CLASP2: variants seen among roughly 807,000 people sequenced by gnomAD.
The protein encoded by CLASP2 is CLIP-associating protein 2.
CLASP2 carries 47 observed loss-of-function variants against 194.4 expected under a neutral mutation model. The ratio of observed to expected loss-of-function variants is 0.24; its 90% CI spans 0.19 to 0.31. The LOEUF (loss-of-function observed/expected upper bound fraction) is 0.31, where lower values mean the gene tolerates loss of function less well. Among genes scored for constraint, CLASP2 ranks in the 10% least tolerant of loss-of-function variants. CLASP2 has a pLI of 1.00. For missense variants in CLASP2, 1,445 were observed against 1,823.6 expected (o/e 0.79, Z 3.78); for synonymous variants, 619 against 633.5 (o/e 0.98, Z 0.34).
At chr3:33,594,830 A>G in intron 20 of CLASP2, 121 bp downstream of exon 20, 1 of 494,902 alleles carries the variant, frequency 2.0e-6, no homozygotes, top group East Asian at 3.5e-5. Context: ...ACTTACTACA[A>G]CTGGCAAATT....
intron 38 of CLASP2, among the ~76,000 whole-genome samples, chr3:33,499,619 G>C (rs1186443368): frequency 6.6e-6 from 1 of 151,612 alleles, no homozygotes; most frequent in Non-Finnish European, 1.5e-5. Context: ...AAAGTGCTGG[G>C]ATTACAGTTG....
intron 21 of CLASP2, among the ~76,000 whole-genome samples, chr3:33,586,425 G>A (rs906939755): frequency 6.6e-6 from 1 of 152,086 alleles, no homozygotes; most frequent in Non-Finnish European, 1.5e-5. Flanking sequence ...GAGCCACCAC[G>A]CCTGGCCTCT....
At chr3:33,624,614 A>T (rs1362695055) in intron 10 of CLASP2, among the ~76,000 whole-genome samples, 1 of 152,102 alleles carries the variant, frequency 6.6e-6, no homozygotes, top group African/African-American at 2.4e-5. Context: ...TTTACCTATG[A>T]TAAAGTTTAA....
At chr3:33,640,332 TA>T (rs1175965880) in intron 8 of CLASP2, among the ~76,000 whole-genome samples, 2 of 152,208 alleles carry the variant, frequency 1.3e-5, no homozygotes, top group African/African-American at 4.8e-5. Flanking sequence ...AGAAAATAGA[TA>T]TTTGGACATT....
intron 16 of CLASP2, among the ~76,000 whole-genome samples, chr3:33,604,728 G>A (rs537128294): frequency 1.3e-5 from 2 of 152,196 alleles, no homozygotes; most frequent in South Asian, 4.1e-4. Flanking sequence ...ATAAAATACT[G>A]GCAGTGAATA....
At chr3:33,628,394 C>T (rs547587458) in intron 9 of CLASP2, among the ~76,000 whole-genome samples, 97 of 152,236 alleles carry the variant, frequency 6.4e-4, no homozygotes, top group Non-Finnish European at 1.0e-3. Context: ...GTTCCCCTTC[C>T]CCCAATAAGG....
chr3:33,711,128 T>C (rs777038543), intron 1 of CLASP2, among the ~76,000 whole-genome samples: 2 of 151,932 alleles, frequency 1.3e-5, no homozygotes, highest in Non-Finnish European at 2.9e-5. Flanking sequence ...TAAGGGCCCA[T>C]ATAATGGTCA....
At position 33,603,024 on chromosome 3, in the gene CLASP2, C is replaced by T. The variant is rs1444305120; in HGVS notation, c.1852G>A (p.Ala618Thr). ...NAAAGAKAHH[A>T]AGQSVRSGRL... ...CCGCTTCGCACAGACTGTCCAGCAG[C>T]ATGATGTGCCTTGGCACCTGCAGCA... The change falls in exon 18 of 39, where the codon GCT (alanine) becomes ACT (threonine). Residue 618 changes from alanine to threonine, a missense_variant. Transcript: ENST00000682230. The T allele has an allele frequency of 1.2e-6, 2 of 1,608,290 alleles. No homozygotes were observed. Among genetic ancestry groups the T allele is most frequent in the Non-Finnish European group, 1.7e-6 (2 of 1,177,142 alleles).
chr3:33,631,565 A>G (rs1298901076), intron 9 of CLASP2, among the ~76,000 whole-genome samples: 1 of 151,948 alleles, frequency 6.6e-6, no homozygotes, highest in Non-Finnish European at 1.5e-5. Flanking sequence ...GGCATGGTGC[A>G]GGGCGCCTGT....
Position 33,517,121 on chromosome 3 carries a change from T to C in CLASP2, c.3841A>G (p.Asn1281Asp). 6.2e-7 allele frequency: 1 copy of C among 1,613,574 alleles called. No individual in the cohort carries two copies. The highest frequency in any genetic ancestry group is 1.3e-5 in the African/African-American group (1 of 75,036). The change falls in exon 35 of 39, where the codon AAC (asparagine) becomes GAC (aspartate). Residue 1281 changes from asparagine to aspartate, a missense_variant. Asn to Asp is a conservative substitution (Grantham distance 23). This residue lies in a region of CLASP2 where 732 missense variants were observed against 987.9 expected (regional missense o/e 0.74). Transcript: ENST00000682230. ...LVAELLKELS[N>D]HNERVEERKI... ...CTTTCTTCTACACGCTCATTATGGT[T>C]AGACAGCTCCTTCAACAACTCTGCA...
intron 22 of CLASP2, among the ~76,000 whole-genome samples, chr3:33,583,197 T>C (rs1401126597): frequency 6.6e-6 from 1 of 152,012 alleles, no homozygotes; most frequent in African/African-American, 2.4e-5. Context: ...CTGGAAAAAA[T>C]AAGGAACTGC....
Position 33,564,190 on chromosome 3 carries a change from C to T in CLASP2, c.2766+2542G>A, listed in dbSNP as rs573106752. Among the ~76,000 whole-genome samples, 5 of 152,254 alleles carry T rather than the reference C, an allele frequency of 3.3e-5. No homozygotes were observed. The East Asian group carries it at 9.6e-4, about 29-fold the overall frequency. ...GTCACCAATTAGAACTAGAACCAGG[C>T]TTAAGGTTATCAGAGGCTGAGAACC... On this transcript the variant is annotated intron_variant, in intron 27 of 38. Coordinates refer to ENST00000682230, the MANE Select transcript of CLASP2 (RefSeq NM_001365631.1).
rs1011630461 is a variant in CLASP2 at position 33,675,741 on chromosome 3, T to A, written c.644+8618A>T. Among the ~76,000 whole-genome samples, 8 of 143,292 alleles carry A rather than the reference T, an allele frequency of 5.6e-5. 1 individual carries two copies. Among genetic ancestry groups the A allele is most frequent in the Non-Finnish European group, 1.1e-4 (7 of 65,008 alleles). The allele number at this position is 143,292 out of a possible 152,430, so 94.0% of individuals were successfully genotyped here. On this transcript the variant is annotated intron_variant, in intron 6 of 38. Coordinates refer to ENST00000682230, the MANE Select transcript of CLASP2 (RefSeq NM_001365631.1). The stretch of plus-strand genomic sequence containing the variant: ...GTTGATAAGCAACTTCAGCAAAGTC[T>A]CAGGATACAAAATCAATGTACAAAA...
At chr3:33,632,690 T>C (rs966678333) in intron 8 of CLASP2, among the ~76,000 whole-genome samples, 3 of 152,168 alleles carry the variant, frequency 2.0e-5, no homozygotes, top group African/African-American at 4.8e-5. Flanking sequence ...TTTTAAAAGT[T>C]GAACAGCAAC....
At chr3:33,566,773 GA>G (rs774271406) in intron 26 of CLASP2, 39 bp from the exon 27 acceptor site, 10 of 416,872 alleles carry the variant, frequency 2.4e-5, no homozygotes, top group African/African-American at 1.1e-4. Flanking sequence ...CATGCAAAAA[GA>G]AAAAAAGAAA....
intron 35 of CLASP2, among the ~76,000 whole-genome samples, 171 bp downstream of exon 35, chr3:33,516,810 T>C (rs2051461083): frequency 6.6e-6 from 1 of 152,236 alleles, no homozygotes; most frequent in Non-Finnish European, 1.5e-5. Flanking sequence ...TTCAAAATTG[T>C]TGAGCTACTT....
In CLASP2 at chr3:33,587,337, G is replaced by A. The variant is rs182502696; in HGVS notation, c.2069-2417C>T. Among the ~76,000 whole-genome samples the A allele has an allele frequency of 1.5e-4, 23 of 152,186 alleles. No homozygotes were observed. In the East Asian group the frequency reaches 4.1e-3, roughly 27 times the overall value. ...AGACAGGGTTTCATCGTGTTAGCCA[G>A]ATGGTCTCGATCTCCTGACTTCATG... is the stretch of plus-strand genomic sequence containing the variant. On this transcript the variant is annotated intron_variant, in intron 21 of 38. Coordinates refer to ENST00000682230, the MANE Select transcript of CLASP2 (RefSeq NM_001365631.1).
chr3:33,684,218 C>G, intron 6 of CLASP2, 141 bp downstream of exon 6: 1 of 441,564 alleles, frequency 2.3e-6, no homozygotes, highest in South Asian at 3.7e-5. Flanking sequence ...GCACTCCAGC[C>G]TGGGCAACAA....
chr3:33,717,760 G>T, intron 1 of CLASP2, 48 bp downstream of exon 1: 2 of 1,539,868 alleles, frequency 1.3e-6, no homozygotes, highest in Non-Finnish European at 1.8e-6. Flanking sequence ...GGGATTAAAG[G>T]GCTGCCGCGG....
Sources: gnomAD v4.1 joint callset for allele counts (sites outside exome capture counted in the v4.1 genomes callset) on GRCh38, gnomAD v4.1.1 for gene constraint, gnomAD v4.1.1 regional missense constraint, MANE v1.5 for transcripts, NCBI Gene and HGNC (gene_info 2026-07-23, HGNC 2026-07-21) for gene names.